Variants in NRG2 observed in about 807,000 individuals in gnomAD.
NRG2 encodes pro-neuregulin-2, membrane-bound isoform.
Under a neutral mutation model 73.9 loss-of-function variants are expected in NRG2, and 27 were observed. The ratio of observed to expected loss-of-function variants is 0.37; its 90% confidence interval spans 0.27 to 0.50. The LOEUF (loss-of-function observed/expected upper bound fraction) is 0.50. NRG2 is among the 20% of genes least tolerant of loss of function. The pLI, the probability that NRG2 is intolerant of heterozygous loss-of-function variation, is 0.96. For synonymous variants in NRG2, 532 were observed against 541.0 expected (o/e 0.98, Z 0.23); for missense variants, 1,126 against 1,210.1 (o/e 0.93, Z 1.03).
chr5:140,011,426 T>A (rs1319125826), intron 1 of NRG2, among the ~76,000 whole-genome samples: 3 of 152,214 alleles, frequency 2.0e-5, no homozygotes, highest in Non-Finnish European at 4.4e-5. Flanking sequence ...CTGGACCTAC[T>A]GACTCACTTA....
In NRG2 at chr5:139,848,190, C is replaced by T. The variant is rs1761125736; in HGVS notation, c.2280G>A (p.Arg760=). ...AGCCGCTGCTCAGCGACAGCGAGTC[C>T]CTCGCCGCCCGTGCGCGCTGCGCCG... ...GLAAQRARAA[R]DSLSLSSGSG... is the part of the protein sequence containing the mutation. The change falls in exon 10 of 10, where the codon AGG becomes AGA. Residue 760 remains arginine, a synonymous_variant. Coordinates refer to ENST00000361474, the MANE Select transcript of NRG2 (RefSeq NM_004883.3). The T allele has an allele frequency of 2.2e-6, 3 of 1,351,312 alleles. No homozygotes were observed. Among genetic ancestry groups the T allele is most frequent in the Non-Finnish European group, 2.8e-6 (3 of 1,056,716 alleles). The allele number at this position is 1,351,312 out of a possible 1,614,324, so 83.7% of individuals were successfully genotyped here.
chr5:139,927,416 C>A (rs908930320), intron 1 of NRG2, among the ~76,000 whole-genome samples: 6 of 152,162 alleles, frequency 3.9e-5, no homozygotes, highest in African/African-American at 1.4e-4. Context: ...CCCCACTGCA[C>A]TTAATCTTGC....
chr5:139,944,875 G>C (rs890629257), intron 1 of NRG2, among the ~76,000 whole-genome samples: 4 of 152,138 alleles, frequency 2.6e-5, no homozygotes, highest in Non-Finnish European at 5.9e-5. Flanking sequence ...TCCACCAACA[G>C]CATATAAGAG....
Position 139,996,346 on chromosome 5 carries a change from A to G in NRG2, c.700+46024T>C, listed in dbSNP as rs537591183. ...CAAAATATTCCACAACATGGGGAATACGGGAGACCACAGTCTAGTTAACCG... is the reference window on the plus strand; with the variant it reads ...CAAAATATTCCACAACATGGGGAATGCGGGAGACCACAGTCTAGTTAACCG... On this transcript the variant is annotated intron_variant, in intron 1 of 9. Transcript: ENST00000361474. Among the ~76,000 whole-genome samples, 67 of 152,382 alleles carry G rather than the reference A, an allele frequency of 4.4e-4. 1 individual carries two copies. The highest frequency in any genetic ancestry group is 1.6e-3 in the African/African-American group (65 of 41,592).
At chr5:140,020,742 T>C (rs1760153833) in intron 1 of NRG2, among the ~76,000 whole-genome samples, 1 of 152,226 alleles carries the variant, frequency 6.6e-6, no homozygotes, top group African/African-American at 2.4e-5. Context: ...AAATAGCTTT[T>C]CATGTAGAAA....
At chr5:139,978,411 G>A (rs1302789144) in intron 1 of NRG2, among the ~76,000 whole-genome samples, 2 of 152,218 alleles carry the variant, frequency 1.3e-5, no homozygotes, top group Non-Finnish European at 2.9e-5. Context: ...TTTCACACCA[G>A]TTAGAATGGC....
rs537210143 is a variant in NRG2, at chr5:139,904,094, C to G, written c.701-16583G>C. Among the ~76,000 whole-genome samples, 3 of 152,250 alleles carry G rather than the reference C, an allele frequency of 2.0e-5. No homozygotes were observed. The highest frequency in any genetic ancestry group is 7.2e-5 in the African/African-American group (3 of 41,570). ...GGGGACGCGGCCGCCCGGGGAGAGG[C>G]GCGCACAGCCACTGTCGGGCTCCTG... On this transcript the variant is annotated intron_variant, in intron 1 of 9. Coordinates refer to ENST00000361474, the MANE Select transcript of NRG2 (RefSeq NM_004883.3). The surrounding 1 kb of genome is among the most constrained non-coding windows in gnomAD (Gnocchi z 6.0).
chr5:139,861,857 T>C (rs146894968), intron 5 of NRG2: 3 of 460,400 alleles, frequency 6.5e-6, no homozygotes, highest in Non-Finnish European at 1.3e-5. Context: ...TATCCAGCCA[T>C]GCTGCCCTGA....
At chr5:139,983,118 T>C (rs78566429) in intron 1 of NRG2, among the ~76,000 whole-genome samples, 3 of 152,316 alleles carry the variant, frequency 2.0e-5, no homozygotes, top group East Asian at 1.9e-4. Flanking sequence ...GAGTCATTCA[T>C]AGGATTCTCC....
At chr5:139,952,460 C>G (rs945562336) in intron 1 of NRG2, among the ~76,000 whole-genome samples, 3 of 152,122 alleles carry the variant, frequency 2.0e-5, no homozygotes, top group Non-Finnish European at 4.4e-5. Context: ...GTGGCTTAGA[C>G]CCCCAGAGCA....
chr5:140,043,194 G>GT lies in NRG2; in HGVS notation c.-126_-125insA. The GT allele has an allele frequency of 3.5e-6, 4 of 1,155,072 alleles. No homozygotes were observed. The highest frequency in any genetic ancestry group is 4.7e-6 in the Non-Finnish European group (4 of 851,556). 71.6% of individuals were successfully genotyped at this position (1,155,072 alleles called of 1,614,324 possible). On this transcript the variant is annotated 5_prime_UTR_variant, in exon 1 of 10. Coordinates refer to ENST00000361474, the MANE Select transcript of NRG2 (RefSeq NM_004883.3). The surrounding 1 kb of genome is among the most constrained non-coding windows in gnomAD (Gnocchi z 6.7). ...CTCTTAGCCCTCCACCGGCAGCCCG[G>GT]GGAGGTGGCCCAGCTAGGGCAGGGG...
At chr5:139,883,197 A>C (rs939388164) in intron 2 of NRG2, among the ~76,000 whole-genome samples, 2 of 151,432 alleles carry the variant, frequency 1.3e-5, no homozygotes, top group Admixed American at 6.6e-5. Context: ...TCACATGCTG[A>C]CCCAAGTTTG....
intron 1 of NRG2, among the ~76,000 whole-genome samples, chr5:139,999,468 C>A (rs1758268684): frequency 6.6e-6 from 1 of 152,206 alleles, no homozygotes; most frequent in Non-Finnish European, 1.5e-5. Context: ...CCTCAATAAT[C>A]CACCAGGTCC....
chr5:140,042,115 C>G (rs1761968042), intron 1 of NRG2, among the ~76,000 whole-genome samples: 1 of 152,178 alleles, frequency 6.6e-6, no homozygotes, highest in Non-Finnish European at 1.5e-5. Flanking sequence ...ATACATCAGC[C>G]GCAGATCCCC....
chr5:139,890,138 C>T (rs557299927), intron 1 of NRG2, among the ~76,000 whole-genome samples: 7 of 152,188 alleles, frequency 4.6e-5, no homozygotes, highest in South Asian at 4.1e-4. Context: ...CTCACCAACA[C>T]GAGGTATTAT....
At chr5:140,021,776 G>A (rs976395102) in intron 1 of NRG2, among the ~76,000 whole-genome samples, 1 of 152,202 alleles carries the variant, frequency 6.6e-6, no homozygotes, top group South Asian at 2.1e-4. Flanking sequence ...CAGCCTCAGC[G>A]AGGAACACAA....
intron 1 of NRG2, among the ~76,000 whole-genome samples, chr5:140,034,326 G>A (rs1761354986): frequency 6.7e-6 from 1 of 150,326 alleles, no homozygotes; most frequent in Admixed American, 6.6e-5. Flanking sequence ...ACAGTTTTGG[G>A]TCGACTTTTT....
chr5:139,938,511 C>G (rs1196345246), intron 1 of NRG2, among the ~76,000 whole-genome samples: 1 of 151,966 alleles, frequency 6.6e-6, no homozygotes, highest in Non-Finnish European at 1.5e-5. Flanking sequence ...CCCAGGCCAC[C>G]ATGCCCCGCT....
chr5:140,000,475 G>A (rs983807437), intron 1 of NRG2, among the ~76,000 whole-genome samples: 3 of 152,232 alleles, frequency 2.0e-5, no homozygotes, highest in East Asian at 1.9e-4. Context: ...GGCAGCAGTC[G>A]GTGAGCCAGG....
Sources: gnomAD v4.1 joint callset for allele counts (sites outside exome capture counted in the v4.1 genomes callset) on GRCh38, gnomAD v4.1.1 for gene constraint, Gnocchi (gnomAD v3.1) non-coding constraint, MANE v1.5 for transcripts, NCBI Gene and HGNC (gene_info 2026-07-23, HGNC 2026-07-21) for gene names.